OPRM1: variants seen among roughly 807,000 people sequenced by gnomAD.
OPRM1 encodes opioid receptor mu 1.
In OPRM1, 27 loss-of-function variants were observed where a neutral mutation model predicts 31.8. That is an observed-to-expected ratio of 0.85 (90% CI 0.63 to 1.17). The LOEUF (loss-of-function observed/expected upper bound fraction) is 1.17, where lower values mean the gene tolerates loss of function less well. OPRM1 is among the 50% of genes most tolerant of loss of function. OPRM1 has a pLI of 0.00. For synonymous variants in OPRM1, 196 were observed against 189.9 expected (o/e 1.03, Z -0.26); for missense variants, 536 against 511.1 (o/e 1.05, Z -0.47).
chr6:154,157,759 G>T (rs930066012), intron 3 of OPRM1: 1 of 152,190 alleles, frequency 6.6e-6, no homozygotes, highest in African/African-American at 2.4e-5. Context: ...GTTATTTGTT[G>T]TTCCTTCAAT....
At chr6:154,210,801 AT>A (rs1488662577) in intron 3 of OPRM1, among the ~76,000 whole-genome samples, 4 of 152,214 alleles carry the variant, frequency 2.6e-5, no homozygotes. Context: ...ATCTTGCTTA[AT>A]TTTGGCTAAT....
intron 3 of OPRM1, among the ~76,000 whole-genome samples, chr6:154,185,671 G>A (rs1046078883): frequency 6.6e-6 from 1 of 151,988 alleles, no homozygotes; most frequent in Admixed American, 6.6e-5. Context: ...CTTTTAATCC[G>A]GGGGTGTCCA....
rs1329320561 is a variant in OPRM1 at position 154,145,998 on chromosome 6, A to G, written c.1164+54526A>G. ...TCACACTGTATTCAAAAAGTATCATACTGTCCTTGATGAAATAGCCCAACA... is the reference window on the plus strand; with the variant it reads ...TCACACTGTATTCAAAAAGTATCATGCTGTCCTTGATGAAATAGCCCAACA... On this transcript the variant is annotated intron_variant, in intron 3 of 3. Coordinates refer to the OPRM1 transcript ENST00000337049. 2.0e-5 allele frequency among the ~76,000 whole-genome samples: 3 copies of G among 152,240 alleles called. No homozygotes were observed. In the East Asian group the frequency reaches 5.8e-4, roughly 29 times the overall value.
chr6:154,032,292 TATAAA>T (rs1339285729), intron 1 of OPRM1, among the ~76,000 whole-genome samples: 2 of 152,200 alleles, frequency 1.3e-5, no homozygotes, highest in Admixed American at 1.3e-4. Context: ...ATAAAAGTCT[TATAAA>T]GTAAGCACTA....
At chr6:154,039,953 G>A (rs1562387521) in intron 1 of OPRM1, 119 bp downstream of exon 1, 2 of 879,576 alleles carry the variant, frequency 2.3e-6, no homozygotes, top group Non-Finnish European at 3.4e-6. Context: ...GGTAAACTGG[G>A]GGGACTCTGG....
intron 3 of OPRM1, among the ~76,000 whole-genome samples, chr6:154,103,965 A>G (rs923121961): frequency 3.9e-5 from 6 of 152,322 alleles, no homozygotes; most frequent in Non-Finnish European, 7.3e-5. Flanking sequence ...GCAGCCCAAT[A>G]GGTTTCAGCC....
intron 3 of OPRM1, among the ~76,000 whole-genome samples, chr6:154,218,305 C>T (rs1778577546): frequency 6.6e-6 from 1 of 152,204 alleles, no homozygotes; most frequent in Non-Finnish European, 1.5e-5. Context: ...AGAAAGGCAG[C>T]TCCCGTCTTT....
intron 3 of OPRM1, among the ~76,000 whole-genome samples, chr6:154,147,926 A>G (rs1798400054): frequency 6.6e-6 from 1 of 152,222 alleles, no homozygotes; most frequent in Non-Finnish European, 1.5e-5. Flanking sequence ...TATTGGGGTC[A>G]GAGTACCCCA....
At chr6:154,213,484 T>C (rs1287997854) in intron 3 of OPRM1, among the ~76,000 whole-genome samples, 1 of 152,222 alleles carries the variant, frequency 6.6e-6, no homozygotes, top group Non-Finnish European at 1.5e-5. Flanking sequence ...ACCGATTTCA[T>C]GGTATTGCAC....
In OPRM1 at chr6:154,125,128, A is replaced by G. The variant is rs1169052754; in HGVS notation, c.*6407A>G. Among the ~76,000 whole-genome samples the G allele has an allele frequency of 6.6e-6, 1 of 152,204 alleles. No homozygotes were observed. The highest frequency in any genetic ancestry group is 2.4e-5 in the African/African-American group (1 of 41,448). ...GTTAGTGTAAAAATTGCCCAATATT[A>G]ACCAGAGCAGCCCAAAATATTTCAG... is the stretch of plus-strand genomic sequence containing the variant. On this transcript the variant is annotated 3_prime_UTR_variant, in exon 4 of 4. Coordinates refer to ENST00000330432, the MANE Select transcript of OPRM1 (RefSeq NM_000914.5).
At chr6:154,152,382 AAGAAAGAAAG>A in intron 3 of OPRM1, among the ~76,000 whole-genome samples, 4 of 148,974 alleles carry the variant, frequency 2.7e-5, no homozygotes, top group African/African-American at 1.0e-4. Flanking sequence ...GAAAGAAAGA[AAGAAAGAAAG>A]AGAAATAGTG....
chr6:154,208,567 C>G (rs1186306417), intron 3 of OPRM1, among the ~76,000 whole-genome samples: 1 of 152,204 alleles, frequency 6.6e-6, no homozygotes, highest in Admixed American at 6.5e-5. Context: ...TCACAGTCCA[C>G]TTTATTCACT....
At chr6:154,063,994 C>A (rs1784881628) in intron 1 of OPRM1, among the ~76,000 whole-genome samples, 2 of 151,856 alleles carry the variant, frequency 1.3e-5, no homozygotes, top group South Asian at 2.1e-4. Flanking sequence ...TTTTCAATTT[C>A]TTTGGGTATT....
intron 3 of OPRM1, among the ~76,000 whole-genome samples, chr6:154,200,474 A>G (rs1483397214): frequency 6.6e-6 from 1 of 152,238 alleles, no homozygotes; most frequent in Non-Finnish European, 1.5e-5. Flanking sequence ...TAATCCCAGC[A>G]CTTTGGAAGA....
At chr6:154,011,849 G>A (rs1777747119) in intron 1 of OPRM1, among the ~76,000 whole-genome samples, 1 of 152,014 alleles carries the variant, frequency 6.6e-6, no homozygotes, top group Non-Finnish European at 1.5e-5. Context: ...CAGGGAACTT[G>A]GATTTAACAT....
At position 154,119,117 on chromosome 6, in the gene OPRM1, A is replaced by T; in HGVS notation, c.*396A>T. ...TTCACCGTAGTAACACATAAAGTAA[A>T]TGCTACCTCTGATCAAAGCACCTTG... On this transcript the variant is annotated 3_prime_UTR_variant, in exon 4 of 4. Transcript: ENST00000330432. The T allele has an allele frequency of 2.0e-6, 2 of 996,320 alleles. No homozygotes were observed. The highest frequency in any genetic ancestry group is 2.4e-6 in the Non-Finnish European group (2 of 836,884). 61.7% of individuals were successfully genotyped at this position (996,320 alleles called of 1,614,324 possible). A position where few individuals can be genotyped will look rare whatever the true frequency, so the allele number is the denominator to read the frequency against.
At chr6:154,015,578 C>T (rs529601175) in intron 1 of OPRM1, among the ~76,000 whole-genome samples, 1 of 151,968 alleles carries the variant, frequency 6.6e-6, no homozygotes, top group Non-Finnish European at 1.5e-5. Flanking sequence ...TGGGTAAATT[C>T]TATAATCTGA....
chr6:154,187,211 G>A (rs758936759), intron 3 of OPRM1, among the ~76,000 whole-genome samples: 1 of 151,558 alleles, frequency 6.6e-6, no homozygotes, highest in Non-Finnish European at 1.5e-5. Flanking sequence ...GATTTTCCAG[G>A]ACTACCAATG....
rs751039851 is a variant in OPRM1 at position 154,039,527 on chromosome 6, C to T, written c.-18C>T. On this transcript the variant is annotated 5_prime_UTR_variant, in exon 1 of 4. Coordinates refer to ENST00000330432, the MANE Select transcript of OPRM1 (RefSeq NM_000914.5). ...CCTGGCTACCTCGCACAGCGGTGCCCGCCCGGCCGTCAGTACCATGGACAG... is the reference window on the plus strand; with the variant it reads ...CCTGGCTACCTCGCACAGCGGTGCCTGCCCGGCCGTCAGTACCATGGACAG... 4.4e-6 allele frequency: 7 copies of T among 1,600,280 alleles called. No homozygotes were observed. In the East Asian group the frequency reaches 9.0e-5, roughly 21 times the overall value.
Sources: allele counts gnomAD v4.1 joint callset (sites outside exome capture counted in the v4.1 genomes callset), GRCh38; gene constraint gnomAD v4.1.1; transcripts MANE v1.5; gene names NCBI Gene and HGNC (gene_info 2026-07-23, HGNC 2026-07-21).